Variants in THSD7A observed in about 807,000 individuals in gnomAD.
THSD7A encodes the protein thrombospondin type 1 domain containing 7A.
In THSD7A, 96 loss-of-function variants were observed where a neutral mutation model predicts 231.3. The ratio of observed to expected loss-of-function variants is 0.41; its 90% CI spans 0.35 to 0.49. The LOEUF (loss-of-function observed/expected upper bound fraction) is 0.49, where lower values mean the gene tolerates loss of function less well. THSD7A is among the 20% of genes least tolerant of loss of function. The probability of loss-of-function intolerance (pLI) is 0.05; values close to 1 mark genes in which losing one functional copy is unlikely to be tolerated. For missense variants in THSD7A, 2,290 were observed against 2,070.2 expected, an observed-to-expected ratio of 1.11 and a Z score of -2.06; for synonymous variants, 940 against 743.3, an observed-to-expected ratio of 1.26 and a Z score of -4.30.
intron 16 of THSD7A, among the ~76,000 whole-genome samples, chr7:11,422,044 A>G (rs1784161867): frequency 6.6e-6 from 1 of 152,186 alleles, no homozygotes; most frequent in Non-Finnish European, 1.5e-5. Context: ...GAGAAAACTG[A>G]ACTATATTAG....
At chr7:11,595,405 G>A (rs1404770285) in intron 2 of THSD7A, among the ~76,000 whole-genome samples, 1 of 152,082 alleles carries the variant, frequency 6.6e-6, no homozygotes, top group Admixed American at 6.5e-5. Context: ...TTATTGATTT[G>A]GGCCCACTAA....
At chr7:11,528,068 G>A (rs1326601654) in intron 6 of THSD7A, among the ~76,000 whole-genome samples, 1 of 152,140 alleles carries the variant, frequency 6.6e-6, no homozygotes, top group Non-Finnish European at 1.5e-5. Flanking sequence ...TTGGAAGGCT[G>A]AGGCAGGAGG....
chr7:11,647,590 A>G (rs1782330444), intron 1 of THSD7A, among the ~76,000 whole-genome samples: 1 of 152,074 alleles, frequency 6.6e-6, no homozygotes, highest in African/African-American at 2.4e-5. Context: ...TTACTATAAG[A>G]TATATTCTTT....
chr7:11,810,444 T>C (rs1407128160), intron 1 of THSD7A, among the ~76,000 whole-genome samples: 1 of 152,164 alleles, frequency 6.6e-6, no homozygotes, highest in African/African-American at 2.4e-5. Flanking sequence ...AATTGCTATG[T>C]CTACATCTCC....
intron 2 of THSD7A, among the ~76,000 whole-genome samples, chr7:11,621,300 T>A (rs1462225904): frequency 6.6e-6 from 1 of 152,176 alleles, no homozygotes; most frequent in East Asian, 1.9e-4. Context: ...TTCCAAATCA[T>A]GACACTGTAT....
chr7:11,771,659 A>G (rs1036305462), intron 1 of THSD7A, among the ~76,000 whole-genome samples: 3 of 152,074 alleles, frequency 2.0e-5, no homozygotes, highest in African/African-American at 7.2e-5. Context: ...GAAGTCATAC[A>G]TGTGGCCAAA....
intron 1 of THSD7A, among the ~76,000 whole-genome samples, chr7:11,694,458 C>T (rs1326988469): frequency 6.6e-6 from 1 of 151,522 alleles, no homozygotes; most frequent in East Asian, 2.0e-4. Flanking sequence ...TGTAGAGTTT[C>T]CAACTTAAAC....
At chr7:11,731,469 A>G (rs1781729389) in intron 1 of THSD7A, among the ~76,000 whole-genome samples, 2 of 151,686 alleles carry the variant, frequency 1.3e-5, no homozygotes, top group African/African-American at 4.8e-5. Flanking sequence ...AACTACTTCC[A>G]TAATGTCTCA....
At chr7:11,732,084 T>TA (rs1472515716) in intron 1 of THSD7A, among the ~76,000 whole-genome samples, 1 of 151,690 alleles carries the variant, frequency 6.6e-6, no homozygotes, top group Admixed American at 6.6e-5. Context: ...AATGTTTCTC[T>TA]AAAAAAGTTC....
intron 1 of THSD7A, among the ~76,000 whole-genome samples, chr7:11,672,220 A>C (rs1783422556): frequency 6.6e-6 from 1 of 152,168 alleles, no homozygotes; most frequent in African/African-American, 2.4e-5. Context: ...ACAGAGAAGC[A>C]TTAACCTCCT....
intron 1 of THSD7A, among the ~76,000 whole-genome samples, chr7:11,723,420 A>G (rs780246191): frequency 9.2e-5 from 14 of 152,076 alleles, no homozygotes; most frequent in Non-Finnish European, 1.6e-4. Context: ...GCACATGTAT[A>G]CATATGTAAC....
rs566092037 is a variant in THSD7A, at chr7:11,520,862, G to T, written c.1822+20557C>A. ...ATGTCATTTTGGCATAAGAGAAAAA[G>T]TAAGTTTGATGACAGGCAAAGGTCT... On this transcript the variant is annotated intron_variant, in intron 6 of 27. Transcript: ENST00000423059. Among the ~76,000 whole-genome samples, 8 of 152,228 alleles carry T rather than the reference G, an allele frequency of 5.3e-5. No homozygotes were observed. In the South Asian group the frequency reaches 1.7e-3, roughly 32 times the overall value.
At chr7:11,692,732 C>G (rs900421886) in intron 1 of THSD7A, among the ~76,000 whole-genome samples, 1 of 151,508 alleles carries the variant, frequency 6.6e-6, no homozygotes, top group African/African-American at 2.4e-5. Context: ...TAACTATAAA[C>G]TCTGGAATTA....
chr7:11,804,850 C>T lies in THSD7A; in HGVS notation c.190+26907G>A, dbSNP rs574654495. On this transcript the variant is annotated intron_variant, in intron 1 of 27. Coordinates refer to ENST00000423059, the MANE Select transcript of THSD7A (RefSeq NM_015204.3). ...CGGTCCCCATGTGCAGGCCTAGCCC[C>T]GCTTGGTTCTAAGACCATTTAACTG... Among the ~76,000 whole-genome samples the T allele has an allele frequency of 3.9e-5, 6 of 152,230 alleles. No individual in the cohort carries two copies. The East Asian group carries it at 5.8e-4, about 15-fold the overall frequency.
chr7:11,679,635 C>G (rs6979799), intron 1 of THSD7A, among the ~76,000 whole-genome samples: 68,069 of 151,828 alleles, frequency 0.45, 15,718 homozygotes, highest in South Asian at 0.57. Context: ...ATACAACTTA[C>G]AAGGGATGTG....
chr7:11,782,365 C>T (rs1783658827), intron 1 of THSD7A, among the ~76,000 whole-genome samples: 3 of 151,974 alleles, frequency 2.0e-5, no homozygotes, highest in Non-Finnish European at 4.4e-5. Flanking sequence ...CCTATGATGT[C>T]GTTATTGCAA....
intron 1 of THSD7A, among the ~76,000 whole-genome samples, chr7:11,800,897 A>G (rs2128181308): frequency 6.6e-6 from 1 of 152,316 alleles, no homozygotes; most frequent in East Asian, 1.9e-4. Flanking sequence ...CAACACACAC[A>G]TACACACACA....
intron 2 of THSD7A, among the ~76,000 whole-genome samples, chr7:11,602,738 G>A (rs965100868): frequency 2.6e-5 from 4 of 151,750 alleles, no homozygotes; most frequent in African/African-American, 9.7e-5. Flanking sequence ...GGGTGATAAT[G>A]CCATTGAAAC....
chr7:11,777,338 C>T (rs946038510), intron 1 of THSD7A, among the ~76,000 whole-genome samples: 1 of 151,772 alleles, frequency 6.6e-6, no homozygotes, highest in East Asian at 1.9e-4. Flanking sequence ...AGCCAACAGA[C>T]CCAATAAACT....
Sources: gnomAD v4.1 joint callset for allele counts (sites outside exome capture counted in the v4.1 genomes callset) on GRCh38, gnomAD v4.1.1 for gene constraint, MANE v1.5 for transcripts, NCBI Gene and HGNC (gene_info 2026-07-23, HGNC 2026-07-21) for gene names.